PDGFC: variants seen among roughly 807,000 people sequenced by gnomAD.
The protein encoded by PDGFC is platelet derived growth factor C.
A neutral mutation model predicts 35.5 loss-of-function variants in PDGFC; 12 were observed. The observed-to-expected ratio is 0.34, with a 90% CI of 0.22 to 0.55. The LOEUF (loss-of-function observed/expected upper bound fraction) is 0.55, where lower values mean the gene tolerates loss of function less well. PDGFC is among the 20% of genes least tolerant of loss of function. PDGFC has a pLI of 0.91. For missense variants in PDGFC, 322 were observed against 412.4 expected (o/e 0.78, Z 1.90); for synonymous variants, 159 against 148.8 (o/e 1.07, Z -0.50).
At chr4:156,956,211 A>T (rs1732204867) in intron 1 of PDGFC, among the ~76,000 whole-genome samples, 2 of 152,024 alleles carry the variant, frequency 1.3e-5, no homozygotes, top group South Asian at 4.1e-4. Context: ...GAAAGTACAG[A>T]TCTCTGGGGT....
chr4:156,871,623 A>C (rs1729985769), intron 1 of PDGFC, among the ~76,000 whole-genome samples: 1 of 152,148 alleles, frequency 6.6e-6, no homozygotes, highest in Non-Finnish European at 1.5e-5. Context: ...ATTTTATTTC[A>C]AATGCAAATT....
chr4:156,767,845 G>A lies in PDGFC; in HGVS notation c.849C>T (p.Asn283=). ...TGCAATTGTGGAGACAACAGGCACA[G>A]TTCCCACCACAGCGTTTAACCAGGA... ...GCLLVKRCGG[N]CACCLHNCNE... Residue 283 remains asparagine (N), a synonymous_variant, in exon 5 of 6, where the codon AAC becomes AAT. Coordinates refer to ENST00000502773, the MANE Select transcript of PDGFC (RefSeq NM_016205.3). The A allele has an allele frequency of 6.2e-7, 1 of 1,613,442 alleles. No homozygotes were observed. The highest frequency in any genetic ancestry group is 8.5e-7 in the Non-Finnish European group (1 of 1,179,524).
chr4:156,901,430 A>G (rs1159275175), intron 1 of PDGFC, among the ~76,000 whole-genome samples: 1 of 152,068 alleles, frequency 6.6e-6, no homozygotes, highest in African/African-American at 2.4e-5. Flanking sequence ...ACAGAGGGAG[A>G]CCAGGAAAGA....
At position 156,784,247 on chromosome 4, in the gene PDGFC, A is replaced by C. The variant is rs138569626; in HGVS notation, c.496-11354T>G. On this transcript the variant is annotated intron_variant, in intron 3 of 5. Transcript: ENST00000502773. ...AGGAAAATGGGATTTCCCCATACTT[A>C]GACCAATGGCCAAGGCACTGGATCA... 3.9e-4 allele frequency among the ~76,000 whole-genome samples: 60 copies of C among 152,346 alleles called. No homozygotes were observed. The East Asian group carries it at 8.1e-3, about 21-fold the overall frequency.
chr4:156,855,401 G>A (rs573581430), intron 1 of PDGFC, among the ~76,000 whole-genome samples: 1 of 152,218 alleles, frequency 6.6e-6, no homozygotes, highest in East Asian at 1.9e-4. Context: ...TAGCAGAAAA[G>A]AAATGGTAGA....
At chr4:156,906,698 A>G (rs1730923295) in intron 1 of PDGFC, among the ~76,000 whole-genome samples, 2 of 152,198 alleles carry the variant, frequency 1.3e-5, no homozygotes, top group African/African-American at 2.4e-5. Context: ...CTTCTGGTTC[A>G]TATTGCTCTT....
chr4:156,787,061 T>A (rs1209826446), intron 3 of PDGFC, among the ~76,000 whole-genome samples: 1 of 152,164 alleles, frequency 6.6e-6, no homozygotes, highest in Non-Finnish European at 1.5e-5. Context: ...ATCCAGAGGT[T>A]TATGGATATT....
chr4:156,770,057 A>G (rs2110806759), intron 4 of PDGFC: 1 of 152,154 alleles, frequency 6.6e-6, no homozygotes, highest in Non-Finnish European at 1.5e-5. Context: ...CGTTTCCTTT[A>G]AAATGTTTAC....
intron 1 of PDGFC, among the ~76,000 whole-genome samples, chr4:156,883,350 T>TA (rs1730293461): frequency 6.6e-6 from 1 of 152,306 alleles, no homozygotes. Flanking sequence ...GTCATTGGAT[T>TA]AAAGTCATTG....
Position 156,971,487 on chromosome 4 carries a change from C to G in PDGFC, c.-584G>C. The G allele has an allele frequency of 1.2e-5, 2 of 162,690 alleles. No individual in the cohort carries two copies. Among genetic ancestry groups the G allele is most frequent in the African/African-American group, 2.4e-5 (1 of 41,128 alleles). The allele number at this position is 162,690 out of a possible 1,614,324, so 10.1% of individuals were successfully genotyped here. ...CGGCGGGTCCCACGGGCCGGGGCGC[C>G]GGAGCGGGGCCGGGGGGCTCCGGGC... On this transcript the variant is annotated 5_prime_UTR_variant, in exon 1 of 6. Transcript: ENST00000502773.
intron 2 of PDGFC, among the ~76,000 whole-genome samples, chr4:156,824,913 C>G (rs1388855956): frequency 6.6e-6 from 1 of 152,110 alleles, no homozygotes; most frequent in Admixed American, 6.5e-5. Context: ...ATGTGGCTGT[C>G]TGTAGAGCAT....
chr4:156,789,522 G>T (rs1376797198), intron 3 of PDGFC, among the ~76,000 whole-genome samples: 1 of 152,102 alleles, frequency 6.6e-6, no homozygotes, highest in African/African-American at 2.4e-5. Context: ...ATCTGCACGT[G>T]TGCACACACA....
intron 1 of PDGFC, among the ~76,000 whole-genome samples, chr4:156,935,083 C>T (rs1731644570): frequency 6.6e-6 from 1 of 152,138 alleles, no homozygotes; most frequent in Non-Finnish European, 1.5e-5. Flanking sequence ...GCAACCTCTG[C>T]TTCCTGGGTT....
At chr4:156,816,120 T>C (rs181903098) in intron 2 of PDGFC, among the ~76,000 whole-genome samples, 211 of 152,328 alleles carry the variant, frequency 1.4e-3, no homozygotes, top group African/African-American at 4.7e-3. Context: ...GACACTCAGC[T>C]TCTTTCAGCA....
intron 3 of PDGFC, among the ~76,000 whole-genome samples, chr4:156,798,800 A>C (rs1731517702): frequency 6.6e-6 from 1 of 152,180 alleles, no homozygotes; most frequent in African/African-American, 2.4e-5. Context: ...AATTACACTT[A>C]ATGCTATTTC....
At chr4:156,899,956 A>C (rs1276605384) in intron 1 of PDGFC, among the ~76,000 whole-genome samples, 1 of 152,162 alleles carries the variant, frequency 6.6e-6, no homozygotes, top group Admixed American at 6.5e-5. Context: ...TCCCTCTGAA[A>C]CCTTCTACTC....
intron 3 of PDGFC, among the ~76,000 whole-genome samples, chr4:156,804,097 T>A (rs368861566): frequency 6.6e-6 from 1 of 151,442 alleles, no homozygotes; most frequent in Non-Finnish European, 1.5e-5. Flanking sequence ...CCCTGAAAAA[T>A]ACACATGTAT....
chr4:156,851,642 G>A (rs1729455132), intron 1 of PDGFC, among the ~76,000 whole-genome samples: 1 of 152,000 alleles, frequency 6.6e-6, no homozygotes, highest in African/African-American at 2.4e-5. Flanking sequence ...ATAGGCTCCA[G>A]GCCATAAAAA....
intron 1 of PDGFC, among the ~76,000 whole-genome samples, chr4:156,916,508 C>T (rs1249899624): frequency 1.3e-5 from 2 of 152,190 alleles, no homozygotes; most frequent in African/African-American, 4.8e-5. Context: ...CCTTACTAGG[C>T]CCTAGATAGG....
Sources: allele counts gnomAD v4.1 joint callset (sites outside exome capture counted in the v4.1 genomes callset), GRCh38; gene constraint gnomAD v4.1.1; transcripts MANE v1.5; gene names NCBI Gene and HGNC (gene_info 2026-07-23, HGNC 2026-07-21).